Variants in ATP11C observed in about 807,000 individuals in gnomAD.
ATP11C encodes ATPase phospholipid transporting 11C (ATP11C blood group), also known as phospholipid-transporting ATPase IG.
In ATP11C, 36 loss-of-function variants were observed where a neutral mutation model predicts 97.4. The observed-to-expected ratio is 0.37, with a 90% CI of 0.28 to 0.49. The LOEUF (loss-of-function observed/expected upper bound fraction) is 0.49. Among genes scored for constraint, ATP11C ranks in the 20% least tolerant of loss-of-function variants. The probability of loss-of-function intolerance (pLI) is 0.98; values close to 1 mark genes in which losing one functional copy is unlikely to be tolerated. For missense variants in ATP11C, 730 were observed against 824.6 expected (o/e 0.89, Z 1.40); for synonymous variants, 275 against 290.9 (o/e 0.95, Z 0.56).
intron 1 of ATP11C, among the ~76,000 whole-genome samples, chrX:139,928,902 A>G (rs2085392358): frequency 8.9e-6 from 1 of 112,247 alleles, no homozygotes; most frequent in Non-Finnish European, 1.9e-5. Context: ...GAAATCTCTT[A>G]TTTTGAATCT....
chrX:139,863,127 G>C (rs761229527), intron 1 of ATP11C, among the ~76,000 whole-genome samples: 318 of 112,059 alleles, frequency 2.8e-3, no homozygotes, highest in Non-Finnish European at 5.1e-3. Context: ...CTTGTTCAGG[G>C]AAAAGAATTC....
At chrX:139,788,802 C>G (rs1427078257) in intron 13 of ATP11C, among the ~76,000 whole-genome samples, 1 of 112,116 alleles carries the variant, frequency 8.9e-6, no homozygotes, top group Non-Finnish European at 1.9e-5. Context: ...GACAAGCAAG[C>G]TTTTACCCAA....
chrX:139,843,292 G>A (rs2083861723), intron 1 of ATP11C, among the ~76,000 whole-genome samples: 1 of 111,720 alleles, frequency 9.0e-6, no homozygotes, highest in African/African-American at 3.3e-5. Context: ...TTCTATAGAT[G>A]GACAGATGGA....
chrX:139,860,845 G>A (rs1319537746), intron 1 of ATP11C, among the ~76,000 whole-genome samples: 1 of 112,235 alleles, frequency 8.9e-6, no homozygotes, highest in African/African-American at 3.2e-5. Flanking sequence ...AAAGAAGCCA[G>A]ATTCAGATAC....
At chrX:139,820,179 G>A (rs2083375439) in intron 2 of ATP11C, among the ~76,000 whole-genome samples, 1 of 100,694 alleles carries the variant, frequency 9.9e-6, no homozygotes, top group Non-Finnish European at 1.9e-5. Flanking sequence ...GAGCGAGAAT[G>A]AGACTCCGTC....
intron 7 of ATP11C, 146 bp from the exon 8 acceptor site, chrX:139,800,256 G>A: frequency 6.8e-6 from 3 of 443,141 alleles, no homozygotes; most frequent in Non-Finnish European, 3.9e-6. Context: ...TATATTTCTG[G>A]GGGAAAAAAA....
At position 139,933,019 on chromosome X, in the gene ATP11C, A is replaced by C. The variant is rs2085468690; in HGVS notation, c.-977T>G. 1 of 110,512 alleles carries C rather than the reference A, an allele frequency of 9.0e-6. No individual in the cohort carries two copies. The highest frequency in any genetic ancestry group is 3.3e-5 in the African/African-American group (1 of 30,338). 9.1% of individuals were successfully genotyped at this position (110,512 alleles called of 1,213,427 possible). Reference sequence around the variant, plus strand: ...TGCCCACCTAAGCCTTCTTACTTCCACTTTCTCTGAGGTTGTAAAGTCAGG... The same window carrying C: ...TGCCCACCTAAGCCTTCTTACTTCCCCTTTCTCTGAGGTTGTAAAGTCAGG... On this transcript the variant is annotated 5_prime_UTR_variant, in exon 1 of 30. Coordinates refer to ENST00000682941, the MANE Select transcript of ATP11C (RefSeq NM_001353812.2).
At chrX:139,845,177 C>T (rs906473678) in intron 1 of ATP11C, among the ~76,000 whole-genome samples, 1 of 110,935 alleles carries the variant, frequency 9.0e-6, no homozygotes, top group Non-Finnish European at 1.9e-5. Context: ...GGGTTCATAG[C>T]CTCCAGTCAG....
chrX:139,865,770 T>A (rs1423057069), intron 1 of ATP11C, among the ~76,000 whole-genome samples: 11 of 110,093 alleles, frequency 1.0e-4, no homozygotes, highest in East Asian at 2.9e-4. Context: ...CCAAAAAAAA[T>A]AAATAAATAA....
chrX:139,841,438 G>A (rs1427884768), intron 1 of ATP11C, among the ~76,000 whole-genome samples: 2 of 112,729 alleles, frequency 1.8e-5, no homozygotes, highest in Non-Finnish European at 3.7e-5. Context: ...CAAAGGGTGA[G>A]GTGGAGTAGA....
rs1373901818 is a variant in ATP11C at position 139,923,358 on chromosome X, C to T, written c.27+8658G>A. Among the ~76,000 whole-genome samples, 8 of 111,556 alleles carry T rather than the reference C, an allele frequency of 7.2e-5. No homozygotes were observed. In the Admixed American group the frequency reaches 7.7e-4, roughly 11 times the overall value. ...AGTGCCTCCTTCTGAATGCCTACTG[C>T]ACTTACTGTGTATGTCCTTCAAAAG... On this transcript the variant is annotated intron_variant, in intron 1 of 29. Coordinates refer to ENST00000682941, the MANE Select transcript of ATP11C (RefSeq NM_001353812.2).
intron 18 of ATP11C, among the ~76,000 whole-genome samples, chrX:139,778,486 C>A (rs2082391797): frequency 9.0e-6 from 1 of 111,589 alleles, no homozygotes; most frequent in Non-Finnish European, 1.9e-5. Context: ...ATGTAAATGG[C>A]CTAAATGCTC....
chrX:139,768,459 T>C (rs1569445006), intron 19 of ATP11C, 25 bp from the exon 20 acceptor site: 2 of 1,015,520 alleles, frequency 2.0e-6, no homozygotes, highest in Non-Finnish European at 2.6e-6. Context: ...CAATGCTATG[T>C]TTGGATTTAT....
intron 19 of ATP11C, 60 bp downstream of exon 19, chrX:139,774,630 G>T: frequency 9.8e-7 from 1 of 1,017,546 alleles, no homozygotes; most frequent in Non-Finnish European, 1.3e-6. Context: ...TTTTGTATAT[G>T]CAGCTGTGAT....
intron 12 of ATP11C, among the ~76,000 whole-genome samples, chrX:139,791,456 T>C (rs909768171): frequency 8.9e-6 from 1 of 111,936 alleles, no homozygotes; most frequent in African/African-American, 3.2e-5. Context: ...TCTGGATACG[T>C]TGAATCTCAC....
chrX:139,781,483 A>G (rs987737870), intron 18 of ATP11C, among the ~76,000 whole-genome samples: 11 of 112,078 alleles, frequency 9.8e-5, no homozygotes, highest in African/African-American at 3.6e-4. Flanking sequence ...GGAGGTCAAG[A>G]CAGAAGCTTA....
At chrX:139,747,497 T>C (rs768053243) in intron 24 of ATP11C, among the ~76,000 whole-genome samples, 4 of 111,633 alleles carry the variant, frequency 3.6e-5, no homozygotes, top group Non-Finnish European at 5.7e-5. Context: ...CCTGAGCACC[T>C]CCGTATTATG....
At chrX:139,776,294 C>A (rs2082347485) in intron 18 of ATP11C, among the ~76,000 whole-genome samples, 1 of 111,680 alleles carries the variant, frequency 9.0e-6, no homozygotes, top group Non-Finnish European at 1.9e-5. Flanking sequence ...TGGGCTTTCA[C>A]AAAGGGTGGG....
Position 139,757,812 on chromosome X carries a change from T to C in ATP11C, c.2696A>G (p.Gln899Arg), listed in dbSNP as rs376433134. ...CGAATAACTTGAGAAACAAACCTGT[T>C]GTGAGAATCCACAGAAGAACTGGTA... Reference protein sequence around the residue: ...FLYQFFCGFSQQPLYDAAYLT... With the variant: ...FLYQFFCGFSRQPLYDAAYLT... Residue 899 changes from glutamine to arginine, a missense_variant, in exon 23 of 30, where the codon CAA (glutamine) becomes CGA (arginine). By Grantham distance (43) the Gln-to-Arg change is conservative. Transcript: ENST00000682941. 1.9e-5 allele frequency: 23 copies of C among 1,183,779 alleles called. No homozygotes were observed. The highest frequency in any genetic ancestry group is 2.4e-4 in the Middle Eastern group (1 of 4,163).
Sources: gnomAD v4.1 joint callset for allele counts (sites outside exome capture counted in the v4.1 genomes callset) on GRCh38, gnomAD v4.1.1 for gene constraint, MANE v1.5 for transcripts, NCBI Gene and HGNC (gene_info 2026-07-23, HGNC 2026-07-21) for gene names.